The following BCL11B variants were observed in gnomAD, a reference collection of about 807,000 sequenced individuals.
The protein encoded by BCL11B is BCL11 transcription factor B.
A neutral mutation model predicts 49.9 loss-of-function variants in BCL11B; 8 were observed. That is an observed-to-expected ratio of 0.16 (90% CI 0.09 to 0.29). The LOEUF (loss-of-function observed/expected upper bound fraction) is 0.29. BCL11B is among the 10% of genes least tolerant of loss of function. The probability of loss-of-function intolerance (pLI) is 1.00; values close to 1 mark genes in which losing one functional copy is unlikely to be tolerated. For missense variants in BCL11B, 1,006 were observed against 1,351.0 expected (o/e 0.74, Z 4.00); for synonymous variants, 739 against 637.4 (o/e 1.16, Z -2.40).
chr14:99,200,496 C>T (rs1053480866), intron 3 of BCL11B, among the ~76,000 whole-genome samples: 2 of 152,238 alleles, frequency 1.3e-5, no homozygotes, highest in African/African-American at 4.8e-5. Context: ...GGAAGCCCTC[C>T]AACCACGACA....
intron 3 of BCL11B, among the ~76,000 whole-genome samples, chr14:99,185,132 C>A (rs981079161): frequency 6.6e-6 from 1 of 152,098 alleles, no homozygotes; most frequent in African/African-American, 2.4e-5. Flanking sequence ...GGGGAGGAGG[C>A]AGGCAGCAAA....
intron 3 of BCL11B, among the ~76,000 whole-genome samples, chr14:99,182,514 G>C (rs1886736448): frequency 6.6e-6 from 1 of 152,184 alleles, no homozygotes; most frequent in Non-Finnish European, 1.5e-5. Flanking sequence ...AAGATGTGTT[G>C]CTTTTGGCTA....
In BCL11B at chr14:99,213,581, C is replaced by A. The variant is rs1887747578; in HGVS notation, c.640+17764G>T. On this transcript the variant is annotated intron_variant, in intron 3 of 3. Coordinates refer to ENST00000357195, the MANE Select transcript of BCL11B (RefSeq NM_138576.4). This position sits in a 1 kb window ranked among gnomAD's most constrained non-coding sequence, Gnocchi z 5.1. The stretch of plus-strand genomic sequence containing the variant: ...CACGGGCAATGGTAAGTCCTACTAC[C>A]CCAAAAGTACAAATGCAGAACCCCA... Among the ~76,000 whole-genome samples the A allele has an allele frequency of 6.6e-6, 1 of 152,138 alleles. No individual in the cohort carries two copies. Among genetic ancestry groups the A allele is most frequent in the African/African-American group, 2.4e-5 (1 of 41,414 alleles).
At chr14:99,182,359 A>G (rs1886730200) in intron 3 of BCL11B, among the ~76,000 whole-genome samples, 1 of 152,204 alleles carries the variant, frequency 6.6e-6, no homozygotes, top group African/African-American at 2.4e-5. Context: ...ACAGCTGCCC[A>G]CGGTAAAGCC....
chr14:99,174,602 G>A lies in BCL11B; in HGVS notation c.2234C>T (p.Ser745Phe). ...GGAGAAGCGCAGGCTGCCGTTCTCG[G>A]ACGAGTGCTCGGACGACGTGGCGAA... ...SPFATSSEHS[S>F]ENGSLRFSTP... Residue 745 changes from serine to phenylalanine, a missense_variant, in exon 4 of 4, where the codon TCC becomes TTC. Physicochemically the swap from Ser to Phe is radical, Grantham distance 155. Transcript: ENST00000357195. 1 of 1,536,710 alleles carries A rather than the reference G, an allele frequency of 6.5e-7. No homozygotes were observed. The highest frequency in any genetic ancestry group is 8.7e-7 in the Non-Finnish European group (1 of 1,145,164).
At position 99,169,946 on chromosome 14, in the gene BCL11B, G is replaced by A; in HGVS notation, c.*4205C>T. 1 of 230,196 alleles carries A rather than the reference G, an allele frequency of 4.3e-6. No individual in the cohort carries two copies. The highest frequency in any genetic ancestry group is 8.6e-6 in the Non-Finnish European group (1 of 115,864). The allele number at this position is 230,196 out of a possible 1,614,324, so 14.3% of individuals were successfully genotyped here. ...TGCGGAAACCGGCCTGAGGTCGGCT[G>A]GGTCACCCATGCTAGAGGCCTCTCT... On this transcript the variant is annotated 3_prime_UTR_variant, in exon 4 of 4. Transcript: ENST00000357195.
chr14:99,264,641 G>C lies in BCL11B; in HGVS notation c.58+6520C>G, dbSNP rs528475934. 5 of 152,160 alleles carry C rather than the reference G, an allele frequency of 3.3e-5. No individual in the cohort carries two copies. The East Asian group carries it at 7.7e-4, about 24-fold the overall frequency. The allele number at this position is 152,160 out of a possible 1,614,324, so 9.4% of individuals were successfully genotyped here. ...AAAAAGAAAAAAGAATGAATTTCTT[G>C]ATTTTCAGCAACTGCACAAAAGACT... On this transcript the variant is annotated intron_variant, in intron 1 of 3. Coordinates refer to ENST00000357195, the MANE Select transcript of BCL11B (RefSeq NM_138576.4).
intron 3 of BCL11B, among the ~76,000 whole-genome samples, chr14:99,203,532 G>C (rs931652962): frequency 7.9e-5 from 12 of 152,186 alleles, no homozygotes; most frequent in African/African-American, 2.7e-4. Flanking sequence ...AGTGGGTTCG[G>C]AATGGGTCCA....
intron 1 of BCL11B, among the ~76,000 whole-genome samples, chr14:99,269,143 T>TCCCCCCCCCCCCCCCCCC (rs1566838293): frequency 8.1e-6 from 1 of 122,862 alleles, no homozygotes; most frequent in Non-Finnish European, 1.7e-5. Flanking sequence ...CCCCATCCAC[T>TCCCCCCCCCCCCCCCCCC]CCCCCTTCCC....
At position 99,228,419 on chromosome 14, in the gene BCL11B, T is replaced by C. The variant is rs1888218657; in HGVS notation, c.640+2926A>G. Among the ~76,000 whole-genome samples the C allele has an allele frequency of 6.6e-6, 1 of 152,120 alleles. No homozygotes were observed. The highest frequency in any genetic ancestry group is 1.9e-4 in the East Asian group (1 of 5,176). On this transcript the variant is annotated intron_variant, in intron 3 of 3. Coordinates refer to ENST00000357195, the MANE Select transcript of BCL11B (RefSeq NM_138576.4). This position sits in a 1 kb window ranked among gnomAD's most constrained non-coding sequence, Gnocchi z 4.8. ...GGTGGTGCAAGCTGGTGAGGGCCAA[T>C]GAACTGGGACCGAATGAAAAAAGAG... is the stretch of plus-strand genomic sequence containing the variant.
intron 3 of BCL11B, 56 bp from the exon 4 acceptor site, chr14:99,176,251 G>T (rs1253918313): frequency 6.6e-7 from 1 of 1,522,340 alleles, no homozygotes; most frequent in Non-Finnish European, 8.9e-7. Flanking sequence ...GCAGCGGGGC[G>T]CGGGCACCGC....
intron 3 of BCL11B, among the ~76,000 whole-genome samples, chr14:99,185,579 G>A (rs1886830217): frequency 6.6e-6 from 1 of 152,122 alleles, no homozygotes; most frequent in Admixed American, 6.5e-5. Flanking sequence ...AGGGCGCTGG[G>A]CCACGCGACG....
intron 3 of BCL11B, among the ~76,000 whole-genome samples, chr14:99,203,929 C>A (rs994895558): frequency 6.6e-6 from 1 of 152,142 alleles, no homozygotes; most frequent in Admixed American, 6.5e-5. Context: ...CGCTCTGAGC[C>A]AAGGAGTGCC....
At chr14:99,187,114 C>T (rs1013724518) in intron 3 of BCL11B, among the ~76,000 whole-genome samples, 2 of 152,198 alleles carry the variant, frequency 1.3e-5, no homozygotes, top group Non-Finnish European at 2.9e-5. Flanking sequence ...TGTGTTTCAA[C>T]CGTTCAATTC....
chr14:99,240,357 C>T (rs1350658645), intron 2 of BCL11B, among the ~76,000 whole-genome samples: 1 of 152,138 alleles, frequency 6.6e-6, no homozygotes, highest in Non-Finnish European at 1.5e-5. Flanking sequence ...TTGTTTATGA[C>T]TAAATCTCTT....
At position 99,200,045 on chromosome 14, in the gene BCL11B, CCT is replaced by C. The variant is rs1298074458; in HGVS notation, c.641-23852_641-23851del. 2.3e-4 allele frequency among the ~76,000 whole-genome samples: 35 copies of C among 151,810 alleles called. 1 individual carries two copies. Among genetic ancestry groups the C allele is most frequent in the Admixed American group, 2.2e-3 (34 of 15,262 alleles). On this transcript the variant is annotated intron_variant, in intron 3 of 3. Coordinates refer to ENST00000357195, the MANE Select transcript of BCL11B (RefSeq NM_138576.4). Reference sequence around the variant, plus strand: ...GTCTATTTCTTGTGAAAGAGCTCCCCCTGACTTCTCCATCCCTCGGCTTCAAA... The same window carrying C: ...GTCTATTTCTTGTGAAAGAGCTCCCCGACTTCTCCATCCCTCGGCTTCAAA...
intron 3 of BCL11B, among the ~76,000 whole-genome samples, chr14:99,203,842 G>A (rs1056990091): frequency 4.6e-5 from 7 of 152,088 alleles, no homozygotes; most frequent in East Asian, 1.9e-4. Context: ...CCGGGGGAGC[G>A]CACAGAAGGA....
At position 99,171,610 on chromosome 14, in the gene BCL11B, ATTT is replaced by A; in HGVS notation, c.*2538_*2540del. 2 of 191,940 alleles carry A rather than the reference ATTT, an allele frequency of 1.0e-5. No individual in the cohort carries two copies. The highest frequency in any genetic ancestry group is 2.1e-5 in the Non-Finnish European group (2 of 93,724). The allele number at this position is 191,940 out of a possible 1,614,324, so 11.9% of individuals were successfully genotyped here. A position where few individuals can be genotyped will look rare whatever the true frequency, so the allele number is the denominator to read the frequency against. On this transcript the variant is annotated 3_prime_UTR_variant, in exon 4 of 4. Coordinates refer to ENST00000357195, the MANE Select transcript of BCL11B (RefSeq NM_138576.4). ...AAAATAAGTACAGGTCAGAAATGTG[ATTT>A]TTTTTTTTTCTGCAAAGCAATAACA...
chr14:99,196,461 G>T (rs1566804684), intron 3 of BCL11B, among the ~76,000 whole-genome samples: 1 of 152,196 alleles, frequency 6.6e-6, no homozygotes, highest in East Asian at 1.9e-4. Flanking sequence ...AGCCAGGCCA[G>T]CCAGCCCATC....
Sources: gnomAD v4.1 joint callset for allele counts (sites outside exome capture counted in the v4.1 genomes callset) on GRCh38, gnomAD v4.1.1 for gene constraint, Gnocchi (gnomAD v3.1) non-coding constraint, MANE v1.5 for transcripts, NCBI Gene and HGNC (gene_info 2026-07-23, HGNC 2026-07-21) for gene names.